YLPM1: variants seen among roughly 807,000 people sequenced by gnomAD.
YLPM1 encodes the protein YLP motif containing 1.
YLPM1 carries 99 observed loss-of-function variants against 230.0 expected under a neutral mutation model. That is an observed-to-expected ratio of 0.43 (90% CI 0.37 to 0.51). YLPM1 has a LOEUF of 0.51. YLPM1 is among the 20% of genes least tolerant of loss of function. YLPM1 has a pLI of 0.00. For synonymous variants in YLPM1, 984 were observed against 942.5 expected, an observed-to-expected ratio of 1.04 and a Z score of -0.81; for missense variants, 2,592 against 2,707.7, an observed-to-expected ratio of 0.96 and a Z score of 0.95.
chr14:74,817,187 T>TG lies in YLPM1; in HGVS notation c.5863-6dup, dbSNP rs1162987168. On this transcript the variant is annotated splice_polypyrimidine_tract_variant and splice_region_variant and intron_variant, in intron 14 of 20. Coordinates refer to ENST00000325680, the MANE Select transcript of YLPM1 (RefSeq NM_019589.3). ...TCTTTGCCTAATTATTATTCATTCT[T>TG]GCTTAGGTATATTTGGCTGAAATGA... 1 of 1,599,664 alleles carries TG rather than the reference T, an allele frequency of 6.3e-7. No homozygotes were observed. Among genetic ancestry groups the TG allele is most frequent in the East Asian group, 2.2e-5 (1 of 44,600 alleles).
chr14:74,763,360 C>T lies in YLPM1; in HGVS notation c.-130C>T, dbSNP rs575397220. 1.1e-5 allele frequency: 13 copies of T among 1,169,320 alleles called. No individual in the cohort carries two copies. Among genetic ancestry groups the T allele is most frequent in the Non-Finnish European group, 1.4e-5 (13 of 901,220 alleles). 72.4% of individuals were successfully genotyped at this position (1,169,320 alleles called of 1,614,324 possible). On this transcript the variant is annotated 5_prime_UTR_variant, in exon 1 of 21. Transcript: ENST00000325680. ...GCTCGGGAGCGCCGGCGCACTGGCG[C>T]GCTCCGTTTACACGCTCCGGGGCCT...
Position 74,817,585 on chromosome 14 carries a change from C to T in YLPM1, c.5946+308C>T, listed in dbSNP as rs370571910. Among the ~76,000 whole-genome samples, 39 of 152,288 alleles carry T rather than the reference C, an allele frequency of 2.6e-4. No homozygotes were observed. The South Asian group carries it at 7.7e-3, about 30-fold the overall frequency. ...CAAAATTGCCTAATGACCCATTCCTCATAATATATGCCCATTGCTAAGTGA... is the reference window on the plus strand; with the variant it reads ...CAAAATTGCCTAATGACCCATTCCTTATAATATATGCCCATTGCTAAGTGA... On this transcript the variant is annotated intron_variant, in intron 15 of 20. Transcript: ENST00000325680.
chr14:74,813,819 T>C (rs1594837929), intron 11 of YLPM1, among the ~76,000 whole-genome samples: 1 of 152,358 alleles, frequency 6.6e-6, no homozygotes, highest in Non-Finnish European at 1.5e-5. Context: ...TCGTCTTGTA[T>C]CCTGCAATAC....
At chr14:74,785,272 A>T (rs574671090) in intron 4 of YLPM1, among the ~76,000 whole-genome samples, 41 of 152,220 alleles carry the variant, frequency 2.7e-4, no homozygotes, top group African/African-American at 7.7e-4. Context: ...AATGATGATT[A>T]TATTGTTTTA....
intron 19 of YLPM1, among the ~76,000 whole-genome samples, chr14:74,833,896 T>G (rs1327643500): frequency 1.3e-5 from 2 of 152,162 alleles, no homozygotes; most frequent in Admixed American, 1.3e-4. Flanking sequence ...GCTCTGGTTC[T>G]CTCTCCTTGT....
At chr14:74,810,946 C>A (rs761977419) in intron 9 of YLPM1, among the ~76,000 whole-genome samples, 7 of 152,088 alleles carry the variant, frequency 4.6e-5, no homozygotes, top group Non-Finnish European at 8.8e-5. Context: ...ACCTCAGTCT[C>A]CTGAGTAGCT....
chr14:74,813,902 A>G (rs560288076), intron 11 of YLPM1, among the ~76,000 whole-genome samples: 1 of 152,276 alleles, frequency 6.6e-6, no homozygotes, highest in African/African-American at 2.4e-5. Context: ...AGATCATGTC[A>G]TCTGCAAATA....
chr14:74,828,994 G>A (rs958330808), intron 18 of YLPM1, among the ~76,000 whole-genome samples: 3 of 152,142 alleles, frequency 2.0e-5, no homozygotes, highest in Non-Finnish European at 2.9e-5. Context: ...AACCAACATC[G>A]TAAACATAAT....
At chr14:74,774,736 G>T (rs963491576) in intron 1 of YLPM1, among the ~76,000 whole-genome samples, 1 of 151,918 alleles carries the variant, frequency 6.6e-6, no homozygotes, top group Non-Finnish European at 1.5e-5. Context: ...TAGAGACGGG[G>T]TTTCACCATG....
Position 74,818,271 on chromosome 14 carries a change from G to A in YLPM1, c.5987G>A (p.Arg1996His), listed in dbSNP as rs374750419. 24 of 1,605,762 alleles carry A rather than the reference G, an allele frequency of 1.5e-5. No individual in the cohort carries two copies. The highest frequency in any genetic ancestry group is 4.0e-5 in the African/African-American group (3 of 74,766). The change falls in exon 16 of 21, where the codon CGT becomes CAT. Residue 1996 changes from arginine (R) to histidine (H), a missense_variant. Transcript: ENST00000325680. Reference sequence around the variant, plus strand: ...GAAACTGCACCTCGTCACATGATGCGTCTAGATATTCGTTCTTTGCTGCAA... The same window carrying A: ...GAAACTGCACCTCGTCACATGATGCATCTAGATATTCGTTCTTTGCTGCAA... Reference protein sequence around the residue: ...HWETAPRHMMRLDIRSLLQDA... With the variant: ...HWETAPRHMMHLDIRSLLQDA...
At chr14:74,819,976 G>A (rs201753957) in intron 16 of YLPM1, among the ~76,000 whole-genome samples, 35 of 152,002 alleles carry the variant, frequency 2.3e-4, no homozygotes, top group Non-Finnish European at 4.3e-4. Context: ...TGTCACTTAC[G>A]TGCCATTAAT....
At chr14:74,780,659 A>C in intron 3 of YLPM1, 75 bp downstream of exon 3, 1 of 1,501,240 alleles carries the variant, frequency 6.7e-7, no homozygotes, top group South Asian at 1.4e-5. Flanking sequence ...GAAAGATTTA[A>C]GTGTAAAAAA....
chr14:74,802,641 T>G lies in YLPM1; in HGVS notation c.4486T>G (p.Leu1496Val). ...CCATCTACCACCTCAGGAATCAAGA[T>G]TGCAGAATACATCTTCAAGACCTGG... is the stretch of plus-strand genomic sequence containing the variant. ...ADHLPPQESR[L>V]QNTSSRPGMY... Residue 1496 changes from leucine to valine, a missense_variant, in exon 6 of 21, where the codon TTG becomes GTG. Physicochemically the swap from Leu to Val is conservative, Grantham distance 32. Around this residue, in one of 4 missense-constraint regions of YLPM1, gnomAD observed 403 missense variants for 426.7 expected, o/e 0.94. Transcript: ENST00000325680. The G allele has an allele frequency of 6.2e-7, 1 of 1,613,256 alleles. No homozygotes were observed. Among genetic ancestry groups the G allele is most frequent in the Non-Finnish European group, 8.5e-7 (1 of 1,179,588 alleles).
At position 74,782,226 on chromosome 14, in the gene YLPM1, C is replaced by G. The variant is rs755383604; in HGVS notation, c.2183C>G (p.Ser728Cys). 55 of 1,601,394 alleles carry G rather than the reference C, an allele frequency of 3.4e-5. 2 individuals carry two copies. In the South Asian group the frequency reaches 6.1e-4, roughly 18 times the overall value. ...CTTGGGGAGTCTTCAGCTGCTCCAT[C>G]TCAGCCAATCACTGCAGTGAAGGAC... Reference protein sequence around the residue: ...QGLGESSAAPSQPITAVKDMP... With the variant: ...QGLGESSAAPCQPITAVKDMP... The change falls in exon 4 of 21, where the codon TCT (serine) becomes TGT (cysteine). Residue 728 changes from serine (S) to cysteine (C), a missense_variant. Ser to Cys is a moderately radical substitution (Grantham distance 112). This residue lies in a region of YLPM1 where 1,862 missense variants were observed against 1,819.8 expected (regional missense o/e 1.02). Transcript: ENST00000325680.
At chr14:74,790,975 C>G (rs901586400) in intron 4 of YLPM1, among the ~76,000 whole-genome samples, 2 of 152,188 alleles carry the variant, frequency 1.3e-5, no homozygotes, top group Non-Finnish European at 2.9e-5. Context: ...GGTGCAGTGG[C>G]TCATGCCTGT....
Position 74,816,790 on chromosome 14 carries a change from C to T in YLPM1, c.5685+100C>T, listed in dbSNP as rs554987006. On this transcript the variant is annotated intron_variant, in intron 13 of 20. Transcript: ENST00000325680. The stretch of plus-strand genomic sequence containing the variant: ...GGCTTTTTTGAGGGCAGGGACCTCT[C>T]TCTTTTCCGAACACAGTACTTTAGT... 13 of 1,465,042 alleles carry T rather than the reference C, an allele frequency of 8.9e-6. No individual in the cohort carries two copies. In the African/African-American group the frequency reaches 1.6e-4, roughly 18 times the overall value. 90.8% of individuals were successfully genotyped at this position (1,465,042 alleles called of 1,614,324 possible). A position where few individuals can be genotyped will look rare whatever the true frequency, so the allele number is the denominator to read the frequency against.
chr14:74,823,008 C>T (rs1314385243), intron 17 of YLPM1, among the ~76,000 whole-genome samples: 1 of 152,074 alleles, frequency 6.6e-6, no homozygotes, highest in African/African-American at 2.4e-5. Context: ...ACTATCACTT[C>T]AGTATAGCTT....
intron 5 of YLPM1, 88 bp from the exon 6 acceptor site, chr14:74,802,468 C>T (rs1161775778): frequency 5.5e-6 from 8 of 1,445,410 alleles, no homozygotes; most frequent in South Asian, 3.1e-5. Flanking sequence ...TTTTTTAGGT[C>T]TCCTTTTTTT....
At position 74,777,443 on chromosome 14, in the gene YLPM1, T is replaced by C. The variant is rs147215522; in HGVS notation, c.874-1004T>C. Reference sequence around the variant, plus strand: ...TTAGCTGGGCTTGGTGGTGGGTGCCTGTAATCCCAGCTACTCGGGAAGCTG... The same window carrying C: ...TTAGCTGGGCTTGGTGGTGGGTGCCCGTAATCCCAGCTACTCGGGAAGCTG... On this transcript the variant is annotated intron_variant, in intron 1 of 20. Coordinates refer to ENST00000325680, the MANE Select transcript of YLPM1 (RefSeq NM_019589.3). Among the ~76,000 whole-genome samples, 467 of 151,718 alleles carry C rather than the reference T, an allele frequency of 3.1e-3. 14 individuals are homozygous for C. The highest frequency in any genetic ancestry group is 0.026 in the Admixed American group (403 of 15,232).
Sources: gnomAD v4.1 joint callset for allele counts (sites outside exome capture counted in the v4.1 genomes callset) on GRCh38, gnomAD v4.1.1 for gene constraint, gnomAD v4.1.1 regional missense constraint, MANE v1.5 for transcripts, NCBI Gene and HGNC (gene_info 2026-07-23, HGNC 2026-07-21) for gene names.